The following NPIPB2 variants were observed in gnomAD, a reference collection of about 807,000 sequenced individuals.
NPIPB2 encodes nuclear pore complex-interacting protein family member B2.
In NPIPB2, 27 loss-of-function variants were observed where a neutral mutation model predicts 30.8. The ratio of observed to expected loss-of-function variants is 0.88; its 90% CI spans 0.65 to 1.21. The LOEUF is 1.21. Ranked by LOEUF, NPIPB2 falls within the 50% of genes most tolerant of loss-of-function variation. The pLI, the probability that NPIPB2 is intolerant of heterozygous loss-of-function variation, is 0.00. For missense variants in NPIPB2, 440 were observed against 446.2 expected (o/e 0.99, Z 0.13); for synonymous variants, 147 against 162.0 (o/e 0.91, Z 0.70).
At chr16:11,974,220 T>C (rs1428981468) in intron 1 of NPIPB2, among the ~76,000 whole-genome samples, 2 of 152,166 alleles carry the variant, frequency 1.3e-5, no homozygotes, top group Non-Finnish European at 2.9e-5. Context: ...TTTTCATTAT[T>C]ACAGAGAATG....
chr16:11,950,688 T>C (rs2150926879), intron 1 of NPIPB2, among the ~76,000 whole-genome samples: 1 of 152,266 alleles, frequency 6.6e-6, no homozygotes, highest in Admixed American at 6.6e-5. Flanking sequence ...AGGACTCTTT[T>C]CTACCGCTCC....
rs186618603 is a variant in NPIPB2 at position 11,948,586 on chromosome 16, G to A, written c.-583-6472C>T. Among the ~76,000 whole-genome samples the A allele has an allele frequency of 5.8e-3, 884 of 151,738 alleles. 13 individuals are homozygous for A. The highest frequency in any genetic ancestry group is 0.02 in the African/African-American group (840 of 41,430). On this transcript the variant is annotated intron_variant, in intron 1 of 5. Transcript: ENST00000538896. ...TCGAGACCATCCCGGCTAAAACGGT[G>A]AAACCCCGTCTCTACTAAAAATACA... is the stretch of plus-strand genomic sequence containing the variant.
chr16:11,973,162 CAAAA>C (rs34947493), intron 1 of NPIPB2, among the ~76,000 whole-genome samples: 5 of 73,036 alleles, frequency 6.8e-5, no homozygotes, highest in Admixed American at 1.5e-4. Context: ...GTGAAACTGT[CAAAA>C]AAAAAAAAAA....
intron 1 of NPIPB2, among the ~76,000 whole-genome samples, chr16:11,949,410 C>T (rs2055043526): frequency 6.6e-6 from 1 of 152,102 alleles, no homozygotes; most frequent in African/African-American, 2.4e-5. Flanking sequence ...AGATTCCCAC[C>T]CAGGCTCATG....
intron 1 of NPIPB2, among the ~76,000 whole-genome samples, chr16:11,960,205 T>C (rs2055143384): frequency 6.6e-6 from 1 of 152,216 alleles, no homozygotes; most frequent in Admixed American, 6.5e-5. Flanking sequence ...TAGGCTCTTA[T>C]GAATAGATGT....
chr16:11,952,165 A>AAAAAC (rs1166765871), intron 1 of NPIPB2, among the ~76,000 whole-genome samples: 20 of 38,292 alleles, frequency 5.2e-4, no homozygotes, highest in African/African-American at 1.1e-3. Context: ...AAAAAAAAAC[A>AAAAAC]AAAACAAAAC....
intron 2 of NPIPB2, among the ~76,000 whole-genome samples, chr16:11,935,380 C>A (rs1046209246): frequency 5.3e-5 from 8 of 152,154 alleles, no homozygotes; most frequent in Non-Finnish European, 1.2e-4. Context: ...GTGGCGCTAC[C>A]TTGGCTCACG....
chr16:11,947,985 A>G (rs2055028559), intron 1 of NPIPB2, among the ~76,000 whole-genome samples: 1 of 148,520 alleles, frequency 6.7e-6, no homozygotes, highest in Non-Finnish European at 1.5e-5. Flanking sequence ...TAAGGTGTCA[A>G]TTACACCCAA....
intron 1 of NPIPB2, among the ~76,000 whole-genome samples, chr16:11,976,326 G>A (rs28473763): frequency 0.33 from 50,406 of 152,220 alleles, 8,839 homozygotes; most frequent in East Asian, 0.62. Flanking sequence ...GATCTTCCCG[G>A]ACTGGGTTCC....
At chr16:11,945,805 G>A (rs1240378127), upstream of NPIPB2, among the ~76,000 whole-genome samples, 1 of 152,070 alleles carries the variant, frequency 6.6e-6, no homozygotes, top group Non-Finnish European at 1.5e-5. Flanking sequence ...CAGCCCATGG[G>A]TTCTATGTTC....
At chr16:11,947,818 G>A (rs1421764276) in intron 1 of NPIPB2, among the ~76,000 whole-genome samples, 2 of 151,496 alleles carry the variant, frequency 1.3e-5, no homozygotes, top group South Asian at 4.2e-4. Flanking sequence ...TGCACTGACC[G>A]GCTTCGTCCT....
chr16:11,966,782 T>C (rs2055197561), intron 1 of NPIPB2, among the ~76,000 whole-genome samples: 1 of 152,162 alleles, frequency 6.6e-6, no homozygotes, highest in African/African-American at 2.4e-5. Flanking sequence ...TGAAAAATGT[T>C]AGAAATGAAT....
intron 1 of NPIPB2, among the ~76,000 whole-genome samples, chr16:11,975,294 C>T (rs1344079942): frequency 7.1e-6 from 1 of 140,392 alleles, no homozygotes; most frequent in Non-Finnish European, 1.6e-5. Context: ...ACTACAGGCG[C>T]CCGCCACTAC....
At chr16:11,941,273 G>A (rs1201155267) in intron 1 of NPIPB2, 44 of 1,482,634 alleles carry the variant, frequency 3.0e-5, no homozygotes, top group Middle Eastern at 2.5e-4. Context: ...GCCCTGAGGC[G>A]GCCAGGACAG....
chr16:11,955,759 C>G (rs1356280330), intron 1 of NPIPB2, among the ~76,000 whole-genome samples: 1 of 113,770 alleles, frequency 8.8e-6, no homozygotes, highest in Non-Finnish European at 1.9e-5. Context: ...ATTTGCCACT[C>G]CTCCTCCCAC....
chr16:11,946,617 G>A (rs2055012911), upstream of NPIPB2, among the ~76,000 whole-genome samples: 2 of 151,934 alleles, frequency 1.3e-5, no homozygotes, highest in Non-Finnish European at 2.9e-5. Context: ...TATCCACTAG[G>A]ATGACTAATA....
intron 1 of NPIPB2, chr16:11,967,914 C>A (rs1596508204): frequency 5.2e-6 from 8 of 1,540,874 alleles, no homozygotes; most frequent in Non-Finnish European, 7.0e-6. Context: ...TGTGTCAGAT[C>A]TCTTTAGGAT....
intron 1 of NPIPB2, among the ~76,000 whole-genome samples, chr16:11,972,627 C>A (rs1346229153): frequency 6.6e-6 from 1 of 152,118 alleles, no homozygotes; most frequent in Non-Finnish European, 1.5e-5. Context: ...GTAATCCCAG[C>A]ACTTTGGGAG....
intron 4 of NPIPB2, among the ~76,000 whole-genome samples, chr16:11,930,925 CCTCACCAATTCATCACAACTAA>C (rs2054782598): frequency 3.7e-5 from 4 of 106,780 alleles, no homozygotes; most frequent in Non-Finnish European, 5.6e-5. Context: ...AAAAACCAGA[CCTCACCAATTCATCACAACTAA>C]CTCCATCGGA....
Sources: allele counts gnomAD v4.1 joint callset (sites outside exome capture counted in the v4.1 genomes callset), GRCh38; gene constraint gnomAD v4.1.1; transcripts MANE v1.5; gene names NCBI Gene and HGNC (gene_info 2026-07-23, HGNC 2026-07-21).